ZFC3H1: variants seen among roughly 807,000 people sequenced by gnomAD.
The protein encoded by ZFC3H1 is zinc finger C3H1-type containing, also known as zinc finger C3H1 domain-containing protein.
Under a neutral mutation model 243.7 loss-of-function variants are expected in ZFC3H1, and 71 were observed. That is an observed-to-expected ratio of 0.29 (90% CI 0.24 to 0.36). The LOEUF (loss-of-function observed/expected upper bound fraction) is 0.36. Ranked by LOEUF, ZFC3H1 falls within the 10% of genes least tolerant of loss-of-function variation. The pLI is 1.00. For synonymous variants in ZFC3H1, 838 were observed against 813.0 expected (o/e 1.03, Z -0.52); for missense variants, 1,966 against 2,317.1 (o/e 0.85, Z 3.11).
At chr12:71,649,512 T>C (rs1392573175) in intron 2 of ZFC3H1, among the ~76,000 whole-genome samples, 1 of 152,106 alleles carries the variant, frequency 6.6e-6, no homozygotes, top group Non-Finnish European at 1.5e-5. Flanking sequence ...TATTCCTATC[T>C]TTTTTTTATA....
intron 11 of ZFC3H1, 79 bp from the exon 12 acceptor site, chr12:71,634,383 C>A (rs976459875): frequency 2.6e-5 from 37 of 1,447,954 alleles, no homozygotes; most frequent in Middle Eastern, 1.8e-4. Flanking sequence ...CTATTTCATG[C>A]AGTAACAATA....
rs1377967974 is a variant in ZFC3H1 at position 71,619,907 on chromosome 12, A to G, written c.5049+19T>C. On this transcript the variant is annotated intron_variant, in intron 26 of 34. Coordinates refer to ENST00000378743, the MANE Select transcript of ZFC3H1 (RefSeq NM_144982.5). ...GAAACATAAAAGCATCATATTTAAGAATTATGCATCATTTTTACCTGTAAG... is the reference window on the plus strand; with the variant it reads ...GAAACATAAAAGCATCATATTTAAGGATTATGCATCATTTTTACCTGTAAG... 2 of 1,567,598 alleles carry G rather than the reference A, an allele frequency of 1.3e-6. No homozygotes were observed. The highest frequency in any genetic ancestry group is 4.5e-5 in the East Asian group (2 of 44,262).
Position 71,610,753 on chromosome 12 carries a change from T to G in ZFC3H1, c.5774A>C (p.His1925Pro). ...EIVLKGQREV[H>P]RLYQRALQKL... ...CTGTAAGGCTCTCTGATATAAACGG[T>G]GGACCTGTAAGATAGATATACACAC... Residue 1925 changes from histidine (H) to proline (P), a missense_variant, in exon 34 of 35, where the codon CAC (histidine) becomes CCC (proline). Coordinates refer to ENST00000378743, the MANE Select transcript of ZFC3H1 (RefSeq NM_144982.5). 6.2e-7 allele frequency: 1 copy of G among 1,612,928 alleles called. No homozygotes were observed. Among genetic ancestry groups the G allele is most frequent in the Admixed American group, 1.7e-5 (1 of 59,938 alleles).
chr12:71,639,486 A>G, intron 6 of ZFC3H1: 1 of 200,198 alleles, frequency 5.0e-6, no homozygotes, highest in Non-Finnish European at 1.0e-5. Context: ...CAGACACTTG[A>G]TGGTGCTATT....
chr12:71,644,504 C>T (rs1306981094), intron 4 of ZFC3H1, among the ~76,000 whole-genome samples, 186 bp from the exon 5 acceptor site: 2 of 152,154 alleles, frequency 1.3e-5, no homozygotes, highest in Non-Finnish European at 2.9e-5. Flanking sequence ...AATCTCAAAA[C>T]TATACTTACA....
At chr12:71,612,256 G>A (rs1421561614) in intron 31 of ZFC3H1, among the ~76,000 whole-genome samples, 1 of 151,870 alleles carries the variant, frequency 6.6e-6, no homozygotes, top group Admixed American at 6.6e-5. Context: ...GATCAGTCTT[G>A]AATGTTTCTT....
At chr12:71,658,108 AAC>A (rs1881067450) in intron 1 of ZFC3H1, among the ~76,000 whole-genome samples, 1 of 152,112 alleles carries the variant, frequency 6.6e-6, no homozygotes, top group Admixed American at 6.5e-5. Flanking sequence ...TTTCTTCTCT[AAC>A]ACAGTGATAC....
chr12:71,628,969 C>T lies in ZFC3H1; in HGVS notation c.3895G>A (p.Asp1299Asn). Reference protein sequence around the residue: ...KPKFWRKPISDNSFSSDEEQS... With the variant: ...KPKFWRKPISNNSFSSDEEQS... ...TCCTCATCACTACTGAAGCTATTAT[C>T]TGAAATAGGTTTTCTCCAAAACTTT... The change falls in exon 20 of 35, where the codon GAT becomes AAT. Residue 1299 changes from aspartate to asparagine, a missense_variant. Asp to Asn is a conservative substitution (Grantham distance 23, BLOSUM62 1). This residue lies in a region of ZFC3H1 where 1,383 missense variants were observed against 1,723.7 expected (regional missense o/e 0.80). Coordinates refer to ENST00000378743, the MANE Select transcript of ZFC3H1 (RefSeq NM_144982.5). The T allele has an allele frequency of 6.2e-7, 1 of 1,613,318 alleles. No homozygotes were observed. The highest frequency in any genetic ancestry group is 1.1e-5 in the South Asian group (1 of 91,006).
intron 26 of ZFC3H1, 102 bp downstream of exon 26, chr12:71,619,824 G>T: frequency 9.4e-7 from 1 of 1,064,426 alleles, no homozygotes; most frequent in Non-Finnish European, 1.4e-6. Flanking sequence ...ACCTAACACT[G>T]CTTGCAAAGG....
chr12:71,615,250 A>G lies in ZFC3H1; in HGVS notation c.5211T>C (p.Asp1737=), dbSNP rs1327233172. The change falls in exon 28 of 35, where the codon GAT becomes GAC. Residue 1737 remains aspartate, a synonymous_variant. Transcript: ENST00000378743. ...AAGGAACTTGGTGGTTAAACATATC[A>G]TCATCAAAATTCCCTTTACATAAAC... ...PSRLCKGNFD[D]DMFNHQVPYL... is the part of the protein sequence containing the mutation. 1.2e-6 allele frequency: 2 copies of G among 1,613,832 alleles called. No individual in the cohort carries two copies. The highest frequency in any genetic ancestry group is 4.5e-5 in the East Asian group (2 of 44,838).
In ZFC3H1 at chr12:71,627,898, A is replaced by G; in HGVS notation, c.3983T>C (p.Leu1328Pro). ...QPENQINVPA[L>P]DTVVTPDDVR... Reference sequence around the variant, plus strand: ...ATCATCTGGAGTGACAACTGTATCCAGAGCTGGAACATTTATTTGGTTCTC... The same window carrying G: ...ATCATCTGGAGTGACAACTGTATCCGGAGCTGGAACATTTATTTGGTTCTC... The change falls in exon 21 of 35, where the codon CTG (leucine) becomes CCG (proline). Residue 1328 changes from leucine to proline, a missense_variant. Leu to Pro is a moderately conservative substitution (Grantham distance 98, BLOSUM62 -3). Around this residue, in one of 4 missense-constraint regions of ZFC3H1, gnomAD observed 1,383 missense variants for 1,723.7 expected, o/e 0.80. Coordinates refer to ENST00000378743, the MANE Select transcript of ZFC3H1 (RefSeq NM_144982.5). 1 of 1,613,008 alleles carries G rather than the reference A, an allele frequency of 6.2e-7. No homozygotes were observed. Among genetic ancestry groups the G allele is most frequent in the Non-Finnish European group, 8.5e-7 (1 of 1,179,704 alleles).
At chr12:71,634,651 A>T (rs1880414452) in intron 11 of ZFC3H1, 53 bp downstream of exon 11, 1 of 1,533,008 alleles carries the variant, frequency 6.5e-7, no homozygotes, top group South Asian at 1.2e-5. Context: ...CTATAAGAGA[A>T]GTTTTGAAAA....
At chr12:71,656,797 C>A in intron 2 of ZFC3H1, 88 bp downstream of exon 2, 1 of 1,296,356 alleles carries the variant, frequency 7.7e-7, no homozygotes. Flanking sequence ...TAATTACAAT[C>A]ATTTCAATGA....
At chr12:71,661,732 C>T (rs1881182520) in intron 1 of ZFC3H1, among the ~76,000 whole-genome samples, 1 of 152,102 alleles carries the variant, frequency 6.6e-6, no homozygotes, top group Non-Finnish European at 1.5e-5. Context: ...TCCACCGCCT[C>T]GGCCTCTCAA....
At chr12:71,642,668 T>C in intron 5 of ZFC3H1, 109 bp from the exon 6 acceptor site, 1 of 1,286,166 alleles carries the variant, frequency 7.8e-7, no homozygotes, top group Middle Eastern at 1.9e-4. Flanking sequence ...ATCATGGTGA[T>C]TCAGTTAGAT....
At chr12:71,653,021 CA>C (rs1359955094) in intron 2 of ZFC3H1, among the ~76,000 whole-genome samples, 1 of 150,598 alleles carries the variant, frequency 6.6e-6, no homozygotes, top group African/African-American at 2.4e-5. Context: ...AAGAAAGTAC[CA>C]AAAATGAGTA....
In ZFC3H1 at chr12:71,650,594, C is replaced by T. The variant is rs186891385; in HGVS notation, c.1016-2781G>A. 2.7e-3 allele frequency among the ~76,000 whole-genome samples: 404 copies of T among 151,964 alleles called. 6 individuals carry two copies. Among genetic ancestry groups the T allele is most frequent in the Non-Finnish European group, 4.5e-3 (305 of 67,990 alleles). Reference sequence around the variant, plus strand: ...AGAAAATGGGACACTGAGGACATGACGAATTAAGAAATTACACAGGAAAAG... The same window carrying T: ...AGAAAATGGGACACTGAGGACATGATGAATTAAGAAATTACACAGGAAAAG... On this transcript the variant is annotated intron_variant, in intron 2 of 34. Coordinates refer to ENST00000378743, the MANE Select transcript of ZFC3H1 (RefSeq NM_144982.5).
chr12:71,643,214 C>T (rs1850620619), intron 5 of ZFC3H1, among the ~76,000 whole-genome samples: 1 of 152,042 alleles, frequency 6.6e-6, no homozygotes, highest in Non-Finnish European at 1.5e-5. Context: ...AGTTCAAGAC[C>T]AGCCTGGCCA....
rs1325416886 is a variant in ZFC3H1 at position 71,623,446 on chromosome 12, A to G, written c.4658T>C (p.Ile1553Thr). 1 of 1,613,810 alleles carries G rather than the reference A, an allele frequency of 6.2e-7. No individual in the cohort carries two copies. The highest frequency in any genetic ancestry group is 8.5e-7 in the Non-Finnish European group (1 of 1,179,856). ...YDPSNDNPSR[I>T]VNTESFVMPW... ...CATTACAAATGATTCAGTGTTAACA[A>G]TTCTTGAAGGATTATCATTAGATGG... Residue 1553 changes from isoleucine to threonine, a missense_variant, in exon 24 of 35, where the codon ATT becomes ACT. Physicochemically the swap from Ile to Thr is moderately conservative, Grantham distance 89 (BLOSUM62 -1). Around this residue, in one of 4 missense-constraint regions of ZFC3H1, gnomAD observed 1,383 missense variants for 1,723.7 expected, o/e 0.80. Transcript: ENST00000378743.
Sources: gnomAD v4.1 joint callset for allele counts (sites outside exome capture counted in the v4.1 genomes callset) on GRCh38, gnomAD v4.1.1 for gene constraint, gnomAD v4.1.1 regional missense constraint, MANE v1.5 for transcripts, NCBI Gene and HGNC (gene_info 2026-07-23, HGNC 2026-07-21) for gene names.